Variants in ACSF3 observed in about 807,000 individuals in gnomAD.
The protein encoded by ACSF3 is malonate--CoA ligase ACSF3, mitochondrial.
ACSF3 carries 78 observed loss-of-function variants against 53.2 expected under a neutral mutation model. The observed-to-expected ratio is 1.47, with a 90% CI of 1.22 to 1.77. The LOEUF is 1.77. ACSF3 is among the 40% of genes most tolerant of loss of function. The probability of loss-of-function intolerance (pLI) is 0.00; values close to 1 mark genes in which losing one functional copy is unlikely to be tolerated. For missense variants in ACSF3, 937 were observed against 771.1 expected (o/e 1.22, Z -2.55); for synonymous variants, 414 against 333.1 (o/e 1.24, Z -2.65).
chr16:89,121,670 G>A (rs1007213599), intron 7 of ACSF3, among the ~76,000 whole-genome samples: 4 of 152,160 alleles, frequency 2.6e-5, no homozygotes, highest in African/African-American at 7.2e-5. Context: ...TTCAAAGATC[G>A]AGGGATCCTG....
intron 2 of ACSF3, among the ~76,000 whole-genome samples, chr16:89,099,902 A>G (rs1349369280): frequency 1.3e-5 from 2 of 151,984 alleles, no homozygotes; most frequent in Non-Finnish European, 2.9e-5. Context: ...AAAGAAGGAA[A>G]AAAGCATGGC....
rs558375292 is a variant in ACSF3, at chr16:89,105,101, C to T, written c.822+2342C>T. Among the ~76,000 whole-genome samples, 46 of 151,426 alleles carry T rather than the reference C, an allele frequency of 3.0e-4. 1 individual carries two copies. The highest frequency in any genetic ancestry group is 1.1e-3 in the African/African-American group (45 of 41,298). ...CTGAGGGCCCCGTCGCCAGGGTCACCCCCTGAAGAGCCTCCCTGAGGGCCC... is the reference window on the plus strand; with the variant it reads ...CTGAGGGCCCCGTCGCCAGGGTCACTCCCTGAAGAGCCTCCCTGAGGGCCC... On this transcript the variant is annotated intron_variant, in intron 4 of 10. Transcript: ENST00000614302.
intron 7 of ACSF3, chr16:89,122,512 C>A (rs191854493): frequency 1.9e-5 from 7 of 372,278 alleles, no homozygotes; most frequent in Non-Finnish European, 3.3e-5. Flanking sequence ...AGTCTGTGCC[C>A]TGCAGTGCCC....
chr16:89,144,694 C>T (rs1388703820), intron 8 of ACSF3, among the ~76,000 whole-genome samples: 2 of 152,258 alleles, frequency 1.3e-5, no homozygotes, highest in East Asian at 1.9e-4. Context: ...CTCTATGCTG[C>T]AGTCCCAGGG....
At chr16:89,146,116 C>T in intron 10 of ACSF3, 67 bp downstream of exon 10, 1 of 1,165,596 alleles carries the variant, frequency 8.6e-7, no homozygotes, top group Non-Finnish European at 1.3e-6. Flanking sequence ...GAGGGCCACC[C>T]TAGGTATTGG....
At chr16:89,105,314 T>G (rs1190605974) in intron 4 of ACSF3, among the ~76,000 whole-genome samples, 2 of 152,134 alleles carry the variant, frequency 1.3e-5, no homozygotes, top group Non-Finnish European at 2.9e-5. Flanking sequence ...GCTCCCCTGG[T>G]AGGGATCTGG....
At chr16:89,107,297 C>A (rs546441889) in intron 4 of ACSF3, among the ~76,000 whole-genome samples, 1 of 152,264 alleles carries the variant, frequency 6.6e-6, no homozygotes, top group South Asian at 2.1e-4. Context: ...CAAGAAAGAC[C>A]GTCCTTCGTG....
At chr16:89,149,071 C>G (rs941637756) in intron 10 of ACSF3, 1 of 152,218 alleles carries the variant, frequency 6.6e-6, no homozygotes, top group African/African-American at 2.4e-5. Context: ...TTCAGGTCAT[C>G]TCTTTGCTCA....
rs2151409404 is a variant in ACSF3 at position 89,101,307 on chromosome 16, C to G, written c.626C>G (p.Pro209Arg). The G allele has an allele frequency of 6.2e-7, 1 of 1,600,922 alleles. No individual in the cohort carries two copies. The change falls in exon 3 of 11, where the codon CCC becomes CGC. Residue 209 changes from proline (P) to arginine (R), a missense_variant. Physicochemically the swap from Pro to Arg is moderately radical, Grantham distance 103 (BLOSUM62 -2). Coordinates refer to ENST00000614302, the MANE Select transcript of ACSF3 (RefSeq NM_001243279.3). ...IIYTSGTTGRPKGVLSTHQNI... is the reference protein window; with the variant it reads ...IIYTSGTTGRRKGVLSTHQNI... ...TACACCAGTGGGACCACGGGGAGGCCCAAGGGCGTGCTGAGCACGCACCAA... is the reference window on the plus strand; with the variant it reads ...TACACCAGTGGGACCACGGGGAGGCGCAAGGGCGTGCTGAGCACGCACCAA...
intron 6 of ACSF3, among the ~76,000 whole-genome samples, chr16:89,119,746 C>T (rs1906151673): frequency 6.6e-6 from 1 of 152,192 alleles, no homozygotes; most frequent in South Asian, 2.1e-4. Context: ...CCGGCTTCGC[C>T]TGCAGGACCC....
At chr16:89,139,632 C>T (rs532342075) in intron 8 of ACSF3, among the ~76,000 whole-genome samples, 57 of 133,974 alleles carry the variant, frequency 4.3e-4, no homozygotes, top group Admixed American at 9.2e-4. Flanking sequence ...CTTGCTCTGT[C>T]GCCAGACTGG....
chr16:89,155,600 G>A lies in ACSF3; in HGVS notation c.*1393G>A, dbSNP rs1162633813. 2.2e-6 allele frequency: 1 copy of A among 453,940 alleles called. No homozygotes were observed. Among genetic ancestry groups the A allele is most frequent in the Non-Finnish European group, 4.4e-6 (1 of 226,742 alleles). The allele number at this position is 453,940 out of a possible 1,614,324, so 28.1% of individuals were successfully genotyped here. On this transcript the variant is annotated 3_prime_UTR_variant, in exon 11 of 11. Coordinates refer to ENST00000614302, the MANE Select transcript of ACSF3 (RefSeq NM_001243279.3). ...TGGCCTGACCCCGGGAACAGTCAGA[G>A]GAAGGGGTCCCGCCCTCCCGCCAGA...
intron 8 of ACSF3, among the ~76,000 whole-genome samples, chr16:89,138,492 A>G (rs555968269): frequency 6.6e-6 from 1 of 152,324 alleles, no homozygotes; most frequent in East Asian, 1.9e-4. Flanking sequence ...GTGCCGACCA[A>G]GGTCAGAGCC....
In ACSF3 at chr16:89,122,217, G is replaced by A. The variant is rs768141787; in HGVS notation, c.1239+1304G>A. ...TCACCTGGGGCCACCTGCAGTGGCCGCACCTTGTGTGGAGGGCCGCACAGT... is the reference window on the plus strand; with the variant it reads ...TCACCTGGGGCCACCTGCAGTGGCCACACCTTGTGTGGAGGGCCGCACAGT... On this transcript the variant is annotated intron_variant, in intron 7 of 10. Transcript: ENST00000614302. Among the ~76,000 whole-genome samples, 340 of 149,560 alleles carry A rather than the reference G, an allele frequency of 2.3e-3. 1 individual carries two copies. Among genetic ancestry groups the A allele is most frequent in the Non-Finnish European group, 3.1e-3 (211 of 67,152 alleles).
chr16:89,108,332 A>T (rs778676494), intron 4 of ACSF3, among the ~76,000 whole-genome samples: 2 of 152,068 alleles, frequency 1.3e-5, no homozygotes, highest in Non-Finnish European at 2.9e-5. Flanking sequence ...GCTTCCCCCA[A>T]CTTGTTTCCC....
At chr16:89,107,736 C>T (rs762160020) in intron 4 of ACSF3, among the ~76,000 whole-genome samples, 5 of 152,162 alleles carry the variant, frequency 3.3e-5, no homozygotes, top group African/African-American at 9.7e-5. Flanking sequence ...CTCCCAGTGC[C>T]GGCTCACAGG....
At chr16:89,153,625 T>A in intron 10 of ACSF3, 1 of 261,514 alleles carries the variant, frequency 3.8e-6, no homozygotes, top group Admixed American at 4.9e-5. Context: ...CCATCTCAAA[T>A]ACCCCATACA....
At chr16:89,118,221 G>A (rs1000988379) in intron 6 of ACSF3, among the ~76,000 whole-genome samples, 2 of 151,178 alleles carry the variant, frequency 1.3e-5, no homozygotes, top group South Asian at 2.1e-4. Context: ...CAGAGCATAC[G>A]GCAGTTTCCC....
In ACSF3 at chr16:89,155,446, C is replaced by T. The variant is rs1040486660; in HGVS notation, c.*1239C>T. The T allele has an allele frequency of 1.3e-5, 6 of 454,040 alleles. No homozygotes were observed. The Admixed American group carries it at 1.4e-4, about 11-fold the overall frequency. The allele number at this position is 454,040 out of a possible 1,614,324, so 28.1% of individuals were successfully genotyped here. On this transcript the variant is annotated 3_prime_UTR_variant, in exon 11 of 11. Transcript: ENST00000614302. ...GGGGCCCCTGCTCACTTGAGCATGT[C>T]GCCCACCAAGCTTGTCTGAGGCCAC...
Sources: allele counts gnomAD v4.1 joint callset (sites outside exome capture counted in the v4.1 genomes callset), GRCh38; gene constraint gnomAD v4.1.1; transcripts MANE v1.5; gene names NCBI Gene and HGNC (gene_info 2026-07-23, HGNC 2026-07-21).